Variants in ATP10B observed in about 807,000 individuals in gnomAD.
ATP10B encodes phospholipid-transporting ATPase VB.
ATP10B carries 122 observed loss-of-function variants against 141.2 expected under a neutral mutation model. The observed-to-expected ratio is 0.86, with a 90% CI of 0.75 to 1.00. The LOEUF is 1.00. Among genes scored for constraint, ATP10B ranks in the 50% least tolerant of loss-of-function variants. The probability of loss-of-function intolerance (pLI) is 0.00; values close to 1 mark genes in which losing one functional copy is unlikely to be tolerated. For synonymous variants in ATP10B, 685 were observed against 692.0 expected (o/e 0.99, Z 0.16); for missense variants, 1,876 against 1,825.3 (o/e 1.03, Z -0.51).
At chr5:160,603,384 G>A (rs1239267380) in intron 20 of ATP10B, 2 of 154,806 alleles carry the variant, frequency 1.3e-5, no homozygotes, top group Non-Finnish European at 2.9e-5. Flanking sequence ...TGTCCAACCT[G>A]CAGGTCGCAT....
intron 8 of ATP10B, among the ~76,000 whole-genome samples, chr5:160,646,579 G>A (rs1184722377): frequency 3.9e-5 from 6 of 152,196 alleles, no homozygotes; most frequent in Admixed American, 3.9e-4. Context: ...GTCTAAGAAT[G>A]TCTGAGGTTC....
intron 17 of ATP10B, chr5:160,614,369 T>C (rs1229968826): frequency 6.6e-6 from 1 of 152,072 alleles, no homozygotes; most frequent in Non-Finnish European, 1.5e-5. Flanking sequence ...TTCTGATAAG[T>C]GTGTTCTCTT....
At chr5:160,717,595 C>T (rs571677386) in intron 2 of ATP10B, among the ~76,000 whole-genome samples, 3 of 152,314 alleles carry the variant, frequency 2.0e-5, no homozygotes, top group African/African-American at 7.2e-5. Flanking sequence ...ATATCACACA[C>T]TAAGCTAAGC....
At chr5:160,835,123 GAT>G (rs1317224963) in intron 1 of ATP10B, among the ~76,000 whole-genome samples, 1 of 151,982 alleles carries the variant, frequency 6.6e-6, no homozygotes, top group South Asian at 2.1e-4. Context: ...CTGAAACAGA[GAT>G]AATTCCTCAG....
At chr5:160,863,985 G>C in the ATP10B span, among the ~76,000 whole-genome samples, 1 of 152,032 alleles carries the variant, frequency 6.6e-6, no homozygotes, top group Non-Finnish European at 1.5e-5. Context: ...TGCAGAATCA[G>C]ATGGATTCAC....
intron 1 of ATP10B, among the ~76,000 whole-genome samples, chr5:160,837,555 T>C (rs1215449141): frequency 6.7e-6 from 1 of 150,304 alleles, no homozygotes; most frequent in Non-Finnish European, 1.5e-5. Context: ...CAAAATATGA[T>C]TTTTTTCAGT....
chr5:160,717,370 C>A (rs921621682), intron 2 of ATP10B, among the ~76,000 whole-genome samples: 3 of 152,106 alleles, frequency 2.0e-5, no homozygotes, highest in African/African-American at 7.2e-5. Context: ...CTTTGGGGAG[C>A]GTATGTATAT....
intron 2 of ATP10B, 137 bp downstream of exon 2, chr5:160,785,422 T>A: frequency 3.0e-6 from 1 of 329,980 alleles, no homozygotes; most frequent in Non-Finnish European, 5.9e-6. Flanking sequence ...GCGGTGGTGT[T>A]TTTTTTGTTC....
intron 6 of ATP10B, among the ~76,000 whole-genome samples, chr5:160,680,335 T>A (rs948395871): frequency 5.3e-4 from 80 of 152,344 alleles, no homozygotes; most frequent in African/African-American, 1.8e-3. Flanking sequence ...TTGTATTCTT[T>A]TCCTGACATC....
chr5:160,775,781 C>T (rs924079093), intron 2 of ATP10B, among the ~76,000 whole-genome samples: 9 of 149,898 alleles, frequency 6.0e-5, no homozygotes, highest in East Asian at 4.0e-4. Context: ...CCTGGGTTCA[C>T]GCCATTCTTC....
intron 2 of ATP10B, among the ~76,000 whole-genome samples, chr5:160,749,885 A>G (rs1483275537): frequency 1.3e-5 from 2 of 152,146 alleles, no homozygotes; most frequent in Non-Finnish European, 1.5e-5. Flanking sequence ...GCACTCTACC[A>G]TGTGCCACCT....
chr5:160,646,710 A>G (rs759835363), intron 8 of ATP10B, among the ~76,000 whole-genome samples: 1 of 151,848 alleles, frequency 6.6e-6, no homozygotes, highest in Non-Finnish European at 1.5e-5. Flanking sequence ...TAATTTTAGG[A>G]TGTTCTGAAG....
chr5:160,813,290 C>A (rs1424306579), intron 1 of ATP10B, among the ~76,000 whole-genome samples: 1 of 152,250 alleles, frequency 6.6e-6, no homozygotes, highest in African/African-American at 2.4e-5. Flanking sequence ...CAACCTAATA[C>A]TGCGCTTTTC....
At chr5:160,725,439 T>A (rs2127786665) in intron 2 of ATP10B, among the ~76,000 whole-genome samples, 1 of 152,170 alleles carries the variant, frequency 6.6e-6, no homozygotes, top group East Asian at 1.9e-4. Flanking sequence ...TCTGGATACA[T>A]CACAGGCTTA....
At chr5:160,578,147 T>G (rs1340561499) in intron 24 of ATP10B, among the ~76,000 whole-genome samples, 1 of 152,148 alleles carries the variant, frequency 6.6e-6, no homozygotes, top group Non-Finnish European at 1.5e-5. Context: ...TCATTTTGCA[T>G]TTTTTGTTTG....
the ATP10B span, among the ~76,000 whole-genome samples, chr5:160,864,708 A>C: frequency 6.6e-6 from 1 of 152,090 alleles, no homozygotes; most frequent in East Asian, 1.9e-4. Flanking sequence ...AGACCTGATA[A>C]ATGAATTCAG....
intron 2 of ATP10B, among the ~76,000 whole-genome samples, chr5:160,779,009 C>A (rs1770535355): frequency 6.6e-6 from 1 of 152,152 alleles, no homozygotes. Flanking sequence ...GAAGTCTGTG[C>A]AGCATTGAAG....
the ATP10B span, among the ~76,000 whole-genome samples, chr5:160,878,473 G>A: frequency 6.6e-6 from 1 of 152,168 alleles, no homozygotes; most frequent in Non-Finnish European, 1.5e-5. Context: ...ATAGGCATGG[G>A]CAAGGACACT....
At chr5:160,885,280 A>T in the ATP10B span, among the ~76,000 whole-genome samples, 1 of 152,226 alleles carries the variant, frequency 6.6e-6, no homozygotes, top group South Asian at 2.1e-4. Context: ...AGCGGATGCA[A>T]GGAGCACACT....
Sources: gnomAD v4.1 joint callset for allele counts (sites outside exome capture counted in the v4.1 genomes callset) on GRCh38, gnomAD v4.1.1 for gene constraint, MANE v1.5 for transcripts, NCBI Gene and HGNC (gene_info 2026-07-23, HGNC 2026-07-21) for gene names.